ARFGEF2: variants seen among roughly 807,000 people sequenced by gnomAD.
The protein encoded by ARFGEF2 is brefeldin A-inhibited guanine nucleotide-exchange protein 2.
In ARFGEF2, 74 loss-of-function variants were observed where a neutral mutation model predicts 219.9. The observed-to-expected ratio is 0.34, with a 90% CI of 0.28 to 0.41. The LOEUF (loss-of-function observed/expected upper bound fraction) is 0.41, where lower values mean the gene tolerates loss of function less well. Among genes scored for constraint, ARFGEF2 ranks in the 10% least tolerant of loss-of-function variants. The pLI, the probability that ARFGEF2 is intolerant of heterozygous loss-of-function variation, is 1.00. For synonymous variants in ARFGEF2, 733 were observed against 799.2 expected (o/e 0.92, Z 1.40); for missense variants, 1,743 against 2,218.3 (o/e 0.79, Z 4.30).
At position 48,930,638 on chromosome 20, in the gene ARFGEF2, A is replaced by T. The variant is rs182599634; in HGVS notation, c.121+8628A>T. ...ATGGAGTGGTGGAGGGAGGAAGTTG[A>T]TCTGAGTTGGGACTTGGATGTGTGG... On this transcript the variant is annotated intron_variant, in intron 1 of 38. Coordinates refer to ENST00000371917, the MANE Select transcript of ARFGEF2 (RefSeq NM_006420.3). Among the ~76,000 whole-genome samples, 33 of 152,230 alleles carry T rather than the reference A, an allele frequency of 2.2e-4. No individual in the cohort carries two copies. In the East Asian group the frequency reaches 6.2e-3, roughly 28 times the overall value.
intron 31 of ARFGEF2, 29 bp from the exon 32 acceptor site, chr20:49,017,220 T>G: frequency 6.2e-7 from 1 of 1,612,304 alleles, no homozygotes; most frequent in Non-Finnish European, 8.5e-7. Flanking sequence ...CAGTAGAAGT[T>G]TAATGATAGA....
At chr20:49,032,264 C>A in intron 38 of ARFGEF2, 98 bp downstream of exon 38, 1 of 872,126 alleles carries the variant, frequency 1.1e-6, no homozygotes, top group Non-Finnish European at 1.9e-6. Flanking sequence ...TCAGTTCTCC[C>A]AAGGATGGTT....
intron 1 of ARFGEF2, among the ~76,000 whole-genome samples, chr20:48,932,727 G>T (rs1218929832): frequency 1.3e-5 from 2 of 152,128 alleles, no homozygotes; most frequent in Non-Finnish European, 2.9e-5. Flanking sequence ...CAATTGAGAG[G>T]GTCAGCTGGA....
intron 27 of ARFGEF2, among the ~76,000 whole-genome samples, chr20:49,010,999 T>C (rs551575439): frequency 1.4e-4 from 21 of 152,350 alleles, no homozygotes; most frequent in African/African-American, 4.3e-4. Flanking sequence ...ATTTTCGTGC[T>C]TTTTGTTGGT....
rs371957303 is a variant in ARFGEF2, at chr20:49,005,263, T to C, written c.3584+42T>C. The C allele has an allele frequency of 1.1e-3, 1,736 of 1,612,718 alleles. 3 individuals carry two copies. Among genetic ancestry groups the C allele is most frequent in the Non-Finnish European group, 1.4e-3 (1,631 of 1,179,656 alleles). Reference sequence around the variant, plus strand: ...GGAAGACGCTTGGTCAAATTCCCCGTTGGGGCTCCCAGAAGCCCTCCTAAC... The same window carrying C: ...GGAAGACGCTTGGTCAAATTCCCCGCTGGGGCTCCCAGAAGCCCTCCTAAC... On this transcript the variant is annotated intron_variant, in intron 26 of 38. Transcript: ENST00000371917.
intron 1 of ARFGEF2, among the ~76,000 whole-genome samples, chr20:48,926,751 T>C (rs1429549932): frequency 6.6e-6 from 1 of 152,156 alleles, no homozygotes; most frequent in African/African-American, 2.4e-5. Flanking sequence ...TTGTGACCTG[T>C]TATTAATTCT....
At chr20:49,006,596 C>T (rs2091460814) in intron 26 of ARFGEF2, among the ~76,000 whole-genome samples, 1 of 152,160 alleles carries the variant, frequency 6.6e-6, no homozygotes, top group South Asian at 2.1e-4. Flanking sequence ...GGTAAGGGCA[C>T]CCTTAGGAAA....
chr20:48,924,511 CA>C (rs11476973), intron 1 of ARFGEF2, among the ~76,000 whole-genome samples: 31,944 of 78,300 alleles, frequency 0.41, 2,787 homozygotes, highest in African/African-American at 0.49. Flanking sequence ...GACTCTGTCT[CA>C]AAAAAAAAAA....
At position 48,921,817 on chromosome 20, in the gene ARFGEF2, G is replaced by A; in HGVS notation, c.-73G>A. 2 of 1,295,528 alleles carry A rather than the reference G, an allele frequency of 1.5e-6. No individual in the cohort carries two copies. The highest frequency in any genetic ancestry group is 9.8e-7 in the Non-Finnish European group (1 of 1,015,260). The allele number at this position is 1,295,528 out of a possible 1,614,324, so 80.3% of individuals were successfully genotyped here. On this transcript the variant is annotated 5_prime_UTR_variant, in exon 1 of 39. Coordinates refer to ENST00000371917, the MANE Select transcript of ARFGEF2 (RefSeq NM_006420.3). ...CGGCCGGTGCCGGCCGGGACGCCGG[G>A]CCCGCAGCCTAGCTCGCCATCTCGC... is the stretch of plus-strand genomic sequence containing the variant.
At chr20:49,001,028 A>C (rs6125521) in intron 25 of ARFGEF2, among the ~76,000 whole-genome samples, 15,771 of 146,804 alleles carry the variant, frequency 0.11, 982 homozygotes, top group Non-Finnish European at 0.14. Context: ...CTGTTTAAGC[A>C]CCAGGTCATG....
rs147619468 is a variant in ARFGEF2, at chr20:49,023,142, G to A, written c.4716G>A (p.Thr1572=). 53 of 1,614,142 alleles carry A rather than the reference G, an allele frequency of 3.3e-5. No individual in the cohort carries two copies. The African/African-American group carries it at 5.7e-4, about 17-fold the overall frequency. ...TIDNIVFYPA[T]SKKEDAEHMV... ...ACAACATTGTGTTCTACCCTGCGAC[G>A]AGCAAAAAGGAGGATGCAGAGCACA... The change falls in exon 35 of 39, where the codon ACG becomes ACA. Residue 1572 remains threonine (T), a synonymous_variant. Coordinates refer to ENST00000371917, the MANE Select transcript of ARFGEF2 (RefSeq NM_006420.3).
rs1234469032 is a variant in ARFGEF2 at position 49,034,781 on chromosome 20, T to C, written c.*1582T>C. 1.3e-5 allele frequency: 2 copies of C among 152,224 alleles called. No homozygotes were observed. The highest frequency in any genetic ancestry group is 3.8e-4 in the East Asian group (2 of 5,204). The allele number at this position is 152,224 out of a possible 1,614,324, so 9.4% of individuals were successfully genotyped here. On this transcript the variant is annotated 3_prime_UTR_variant, in exon 39 of 39. Transcript: ENST00000371917. Reference sequence around the variant, plus strand: ...AGAGACCGATATTCTTAAGTTGTTTTCTTGTTTTAACAGCCTTGAGAAATG... The same window carrying C: ...AGAGACCGATATTCTTAAGTTGTTTCCTTGTTTTAACAGCCTTGAGAAATG...
intron 15 of ARFGEF2, 84 bp downstream of exon 15, chr20:48,984,924 G>C: frequency 8.7e-6 from 14 of 1,604,564 alleles, no homozygotes; most frequent in Non-Finnish European, 1.1e-5. Context: ...GAGATTGTCT[G>C]GCCCTAAGTA....
At chr20:49,008,440 G>A (rs1441442157) in intron 26 of ARFGEF2, among the ~76,000 whole-genome samples, 2 of 151,912 alleles carry the variant, frequency 1.3e-5, no homozygotes, top group African/African-American at 4.8e-5. Context: ...GTGTATGCCT[G>A]TAGTCCCAGC....
At chr20:48,966,883 C>G (rs1389056217) in intron 8 of ARFGEF2, among the ~76,000 whole-genome samples, 1 of 152,178 alleles carries the variant, frequency 6.6e-6, no homozygotes, top group Non-Finnish European at 1.5e-5. Flanking sequence ...CAGTCTCACT[C>G]TCACCTAGGC....
In ARFGEF2 at chr20:48,998,536, T is replaced by G. The variant is rs767701434; in HGVS notation, c.3432+31T>G. 25 of 1,569,480 alleles carry G rather than the reference T, an allele frequency of 1.6e-5. No homozygotes were observed. In the East Asian group the frequency reaches 5.7e-4, roughly 36 times the overall value. On this transcript the variant is annotated intron_variant, in intron 25 of 38. Transcript: ENST00000371917. ...TCTTCAAATTTAAAAACCATTCCTGTTAAAAAAAAAAAAAAGTAGACAACT... is the reference window on the plus strand; with the variant it reads ...TCTTCAAATTTAAAAACCATTCCTGGTAAAAAAAAAAAAAAGTAGACAACT...
rs774976613 is a variant in ARFGEF2, at chr20:48,953,688, G to A, written c.736G>A (p.Glu246Lys). 25 of 1,613,904 alleles carry A rather than the reference G, an allele frequency of 1.5e-5. No homozygotes were observed. The highest frequency in any genetic ancestry group is 2.7e-5 in the African/African-American group (2 of 74,858). Residue 246 changes from glutamate to lysine, a missense_variant, in exon 6 of 39, where the codon GAA (glutamate) becomes AAA (lysine). Coordinates refer to ENST00000371917, the MANE Select transcript of ARFGEF2 (RefSeq NM_006420.3). ...GGCACAAAGCAAACCAACAACTCCCGAAAAAACAGATTTAACCAACGGTGA... is the reference window on the plus strand; with the variant it reads ...GGCACAAAGCAAACCAACAACTCCCAAAAAAACAGATTTAACCAACGGTGA... ...SQAQSKPTTP[E>K]KTDLTNGEHA...
At chr20:48,982,876 T>C (rs1344989389) in intron 14 of ARFGEF2, among the ~76,000 whole-genome samples, 2 of 152,280 alleles carry the variant, frequency 1.3e-5, no homozygotes, top group South Asian at 2.1e-4. Context: ...GGCAGGAGTG[T>C]CCCGATTTTC....
chr20:48,949,298 T>G (rs941142104), intron 3 of ARFGEF2, among the ~76,000 whole-genome samples: 1 of 152,196 alleles, frequency 6.6e-6, no homozygotes, highest in Non-Finnish European at 1.5e-5. Flanking sequence ...CTTTTCAGCA[T>G]TCACATTTGA....
Sources: allele counts gnomAD v4.1 joint callset (sites outside exome capture counted in the v4.1 genomes callset), GRCh38; gene constraint gnomAD v4.1.1; transcripts MANE v1.5; gene names NCBI Gene and HGNC (gene_info 2026-07-23, HGNC 2026-07-21).